The following CCDC14 variants were observed in gnomAD, a reference collection of about 807,000 sequenced individuals.
CCDC14 encodes the protein coiled-coil domain-containing protein 14.
In CCDC14, 71 loss-of-function variants were observed where a neutral mutation model predicts 81.4. The observed-to-expected ratio is 0.87, with a 90% CI of 0.72 to 1.06. The LOEUF (loss-of-function observed/expected upper bound fraction) is 1.06. CCDC14 is among the 50% of genes least tolerant of loss of function. The probability of loss-of-function intolerance (pLI) is 0.00; values close to 1 mark genes in which losing one functional copy is unlikely to be tolerated. For missense variants in CCDC14, 1,046 were observed against 1,047.3 expected (o/e 1.00, Z 0.02); for synonymous variants, 332 against 364.8 (o/e 0.91, Z 1.03).
At chr3:123,929,254 G>A (rs1169074848) in intron 12 of CCDC14, among the ~76,000 whole-genome samples, 1 of 151,978 alleles carries the variant, frequency 6.6e-6, no homozygotes, top group African/African-American at 2.4e-5. Flanking sequence ...TAAACAGACT[G>A]TATACCATAT....
At chr3:123,900,890 T>C (rs2034164445) in intron 5 of CCDC14, among the ~76,000 whole-genome samples, 1 of 152,092 alleles carries the variant, frequency 6.6e-6, no homozygotes. Flanking sequence ...CTAAAGTTTA[T>C]ATAAAGAAAG....
chr3:123,915,996 C>CTTT (rs55792519), intron 12 of CCDC14, among the ~76,000 whole-genome samples: 3 of 139,442 alleles, frequency 2.2e-5, no homozygotes, highest in Non-Finnish European at 3.1e-5. Context: ...ATGTTTTACT[C>CTTT]TTTTTTTTTT....
rs761851006 is a variant in CCDC14 at position 123,915,483 on chromosome 3, G to A, written c.2014C>T (p.Pro672Ser). ...STIKNEETIE[P>S]DKTYENVLSS... The stretch of plus-strand genomic sequence containing the variant: ...AGAACATTTTCATAGGTTTTGTCTG[G>A]CTCTATGGTTTCCTCATTTTTAATT... The change falls in exon 13 of 13, where the codon CCA becomes TCA. Residue 672 changes from proline to serine, a missense_variant. Transcript: ENST00000409697. 1.2e-6 allele frequency: 2 copies of A among 1,613,922 alleles called. No individual in the cohort carries two copies. Among genetic ancestry groups the A allele is most frequent in the Non-Finnish European group, 1.7e-6 (2 of 1,179,848 alleles).
intron 5 of CCDC14, chr3:123,954,050 A>G (rs930617198): frequency 6.6e-6 from 1 of 152,194 alleles, no homozygotes; most frequent in Non-Finnish European, 1.5e-5. Context: ...GGATCCAGTA[A>G]GTTGATACCA....
In CCDC14 at chr3:123,946,848, T is replaced by C. The variant is rs762984892; in HGVS notation, c.1156A>G (p.Ile386Val). ...TTGAGCTCTCCCAACAAATATTTTA[T>C]AATTCTAACTTTTTCAGCTGTCTTG... ...VNKTAEKVRI[I>V]KYLLGELKAL... Residue 386 changes from isoleucine (I) to valine (V), a missense_variant, in exon 8 of 13, where the codon ATA becomes GTA. Physicochemically the swap from Ile to Val is conservative, Grantham distance 29. Coordinates refer to ENST00000409697, the MANE Select transcript of CCDC14 (RefSeq NM_001366335.1). The C allele has an allele frequency of 3.1e-6, 5 of 1,613,946 alleles. No homozygotes were observed. The highest frequency in any genetic ancestry group is 2.2e-5 in the East Asian group (1 of 44,884).
the CCDC14 span, among the ~76,000 whole-genome samples, chr3:123,891,978 A>T: frequency 6.6e-6 from 1 of 151,926 alleles, no homozygotes; most frequent in Non-Finnish European, 1.5e-5. Context: ...GGAGCAAGTC[A>T]CATCTTACAT....
chr3:123,931,638 G>GT (rs2035725268), intron 10 of CCDC14, 112 bp from the exon 11 acceptor site: 2 of 618,370 alleles, frequency 3.2e-6, no homozygotes, highest in Non-Finnish European at 5.4e-6. Flanking sequence ...TATTGATTTT[G>GT]TTTAACGATT....
In CCDC14 at chr3:123,931,505, T is replaced by G; in HGVS notation, c.1448A>C (p.Asn483Thr). ...NLELFSLQSL[N>T]MSLQNQLEES... is the part of the protein sequence containing the mutation. ...CTCCAATTGATTTTGCAGTGACATATTCAATGACTGAAGAGAAAACACTGT... is the reference window on the plus strand; with the variant it reads ...CTCCAATTGATTTTGCAGTGACATAGTCAATGACTGAAGAGAAAACACTGT... The change falls in exon 11 of 13, where the codon AAT becomes ACT. Residue 483 changes from asparagine (N) to threonine (T), a missense_variant. By Grantham distance (65) the Asn-to-Thr change is moderately conservative. Transcript: ENST00000409697. The G allele has an allele frequency of 1.3e-6, 2 of 1,561,348 alleles. No individual in the cohort carries two copies. The highest frequency in any genetic ancestry group is 1.7e-6 in the Non-Finnish European group (2 of 1,151,076).
At chr3:123,930,878 C>A in intron 12 of CCDC14, 1 of 448,736 alleles carries the variant, frequency 2.2e-6, no homozygotes, top group Non-Finnish European at 3.9e-6. Context: ...CATCAGGACC[C>A]CCTGCCCAGA....
At chr3:123,916,338 A>G (rs542881958) in intron 12 of CCDC14, among the ~76,000 whole-genome samples, 1 of 152,184 alleles carries the variant, frequency 6.6e-6, no homozygotes, top group East Asian at 1.9e-4. Flanking sequence ...TTCATTCTTG[A>G]GCAGCACTAC....
At chr3:123,903,579 G>C (rs1032816850) in intron 5 of CCDC14, among the ~76,000 whole-genome samples, 2 of 152,156 alleles carry the variant, frequency 1.3e-5, no homozygotes, top group Non-Finnish European at 1.5e-5. Flanking sequence ...AGTGTTCATA[G>C]AAGACCCCAA....
rs536504534 is a variant in CCDC14, at chr3:123,931,956, T to C, written c.1427-430A>G. Among the ~76,000 whole-genome samples, 10 of 152,324 alleles carry C rather than the reference T, an allele frequency of 6.6e-5. No homozygotes were observed. The South Asian group carries it at 2.1e-3, about 32-fold the overall frequency. The stretch of plus-strand genomic sequence containing the variant: ...TACATATGGTATTAATTACACTACA[T>C]ACACACACATACTATACACAATTTC... On this transcript the variant is annotated intron_variant, in intron 10 of 12. Transcript: ENST00000409697.
In CCDC14 at chr3:123,931,328, T is replaced by G; in HGVS notation, c.1625A>C (p.Glu542Ala). Residue 542 changes from glutamate to alanine, a missense_variant, in exon 11 of 13, where the codon GAG becomes GCG. Physicochemically the swap from Glu to Ala is moderately radical, Grantham distance 107. Transcript: ENST00000409697. ...CGTACCAATTTTTATTCTTGTTATC[T>G]CAATATCATATTGCTGTTTATTTTC... ...ILENKQQYDI[E>A]ITRIKIELEE... The G allele has an allele frequency of 6.6e-7, 1 of 1,522,448 alleles. No individual in the cohort carries two copies. The highest frequency in any genetic ancestry group is 1.2e-5 in the South Asian group (1 of 82,760). 94.3% of individuals were successfully genotyped at this position (1,522,448 alleles called of 1,614,324 possible). A position where few individuals can be genotyped will look rare whatever the true frequency, so the allele number is the denominator to read the frequency against.
intron 12 of CCDC14, among the ~76,000 whole-genome samples, chr3:123,916,794 T>C (rs1466834152): frequency 6.6e-6 from 1 of 152,074 alleles, no homozygotes; most frequent in African/African-American, 2.4e-5. Context: ...TGGGTGTTTG[T>C]TTGTTTGATG....
chr3:123,924,853 CA>C (rs2035264048), intron 12 of CCDC14, among the ~76,000 whole-genome samples: 1 of 151,698 alleles, frequency 6.6e-6, no homozygotes, highest in African/African-American at 2.4e-5. Context: ...GGAAGCTCCT[CA>C]AAAATGTATA....
intron 9 of CCDC14, among the ~76,000 whole-genome samples, chr3:123,942,287 A>G (rs2036388987): frequency 6.6e-6 from 1 of 152,110 alleles, no homozygotes; most frequent in South Asian, 2.1e-4. Context: ...TAAAGAGGTG[A>G]CACATATCGA....
In CCDC14 at chr3:123,946,892, T is replaced by C. The variant is rs758963320; in HGVS notation, c.1112A>G (p.Gln371Arg). ...VRDTKTVKDV[Q>R]KAKNVNKTAE... Reference sequence around the variant, plus strand: ...TGTCTTGTTCACATTTTTTGCCTTCTGTACATCCTTCACTGTTTTTGTATC... The same window carrying C: ...TGTCTTGTTCACATTTTTTGCCTTCCGTACATCCTTCACTGTTTTTGTATC... Residue 371 changes from glutamine (Q) to arginine (R), a missense_variant, in exon 8 of 13, where the codon CAG (glutamine) becomes CGG (arginine). Physicochemically the swap from Gln to Arg is conservative, Grantham distance 43. Transcript: ENST00000409697. The C allele has an allele frequency of 5.6e-6, 9 of 1,613,928 alleles. No homozygotes were observed. The East Asian group carries it at 2.0e-4, about 36-fold the overall frequency.
intron 9 of CCDC14, among the ~76,000 whole-genome samples, chr3:123,936,514 G>C (rs1363973844): frequency 1.3e-5 from 2 of 152,012 alleles, no homozygotes; most frequent in African/African-American, 2.4e-5. Context: ...CCATAAAAAA[G>C]AATGAGATCA....
intron 5 of CCDC14, among the ~76,000 whole-genome samples, chr3:123,906,989 T>C (rs2034326378): frequency 6.6e-6 from 1 of 152,230 alleles, no homozygotes; most frequent in Non-Finnish European, 1.5e-5. Flanking sequence ...CTTGCTTCTC[T>C]GCTCAGTGCT....
Sources: allele counts gnomAD v4.1 joint callset (sites outside exome capture counted in the v4.1 genomes callset), GRCh38; gene constraint gnomAD v4.1.1; transcripts MANE v1.5; gene names NCBI Gene and HGNC (gene_info 2026-07-23, HGNC 2026-07-21).